Variants in RBPMS observed in about 807,000 individuals in gnomAD.
The protein encoded by RBPMS is RNA binding protein, mRNA processing factor.
Under a neutral mutation model 26.8 loss-of-function variants are expected in RBPMS, and 7 were observed. The observed-to-expected ratio is 0.26, with a 90% CI of 0.15 to 0.49. The LOEUF is 0.49. Among genes scored for constraint, RBPMS ranks in the 20% least tolerant of loss-of-function variants. The pLI is 0.98. For synonymous variants in RBPMS, 96 were observed against 93.3 expected, an observed-to-expected ratio of 1.03 and a Z score of -0.17; for missense variants, 186 against 250.0, an observed-to-expected ratio of 0.74 and a Z score of 1.73.
rs183210555 is a variant in RBPMS at position 30,504,369 on chromosome 8, C to T, written c.330C>T (p.Leu110=). ...KANTKMAKNK[L]VGTPNPSTPL... Reference sequence around the variant, plus strand: ...ACACGAAGATGGCCAAGAACAAACTCGTAGGGACTCCAAACCCCAGTACTC... The same window carrying T: ...ACACGAAGATGGCCAAGAACAAACTTGTAGGGACTCCAAACCCCAGTACTC... The change falls in exon 5 of 9, where the codon CTC becomes CTT. Residue 110 remains leucine, a synonymous_variant. Transcript: ENST00000397323. The T allele has an allele frequency of 1.9e-5, 30 of 1,614,180 alleles. No individual in the cohort carries two copies. The East Asian group carries it at 4.0e-4, about 22-fold the overall frequency.
intron 8 of RBPMS, among the ~76,000 whole-genome samples, chr8:30,568,979 C>G (rs1489301828): frequency 1.3e-5 from 2 of 149,858 alleles, no homozygotes; most frequent in East Asian, 3.9e-4. Context: ...TTCCTTCTCC[C>G]TTCAGATTAG....
Position 30,474,756 on chromosome 8 carries a change from ACTTC to A in RBPMS, c.67-20_67-17del. 6.7e-7 allele frequency: 1 copy of A among 1,488,854 alleles called. No homozygotes were observed. The highest frequency in any genetic ancestry group is 9.4e-7 in the Non-Finnish European group (1 of 1,067,002). 92.2% of individuals were successfully genotyped at this position (1,488,854 alleles called of 1,614,324 possible). Reference sequence around the variant, plus strand: ...CTCTGGAGTGTCCACACCCTTGATCACTTCCTAAATTTATTTTTCCAGGTCCGGA... The same window carrying A: ...CTCTGGAGTGTCCACACCCTTGATCACTAAATTTATTTTTCCAGGTCCGGA... On this transcript the variant is annotated intron_variant, in intron 1 of 8. Transcript: ENST00000397323.
intron 1 of RBPMS, among the ~76,000 whole-genome samples, chr8:30,465,702 G>A (rs887231960): frequency 6.6e-6 from 1 of 152,318 alleles, no homozygotes; most frequent in Non-Finnish European, 1.5e-5. Context: ...TAGGAGAATC[G>A]CTTGAACCTG....
chr8:30,528,099 C>G (rs1389192883), intron 5 of RBPMS, among the ~76,000 whole-genome samples: 1 of 151,584 alleles, frequency 6.6e-6, no homozygotes, highest in Admixed American at 6.6e-5. Flanking sequence ...CGCTTGAACC[C>G]GGGAGGCAGA....
At position 30,565,349 on chromosome 8, in the gene RBPMS, G is replaced by A. The variant is rs192108188; in HGVS notation, c.*8-908G>A. 37 of 152,420 alleles carry A rather than the reference G, an allele frequency of 2.4e-4. 3 individuals carry two copies. Among genetic ancestry groups the A allele is most frequent in the Admixed American group, 2.2e-3 (34 of 15,308 alleles). The allele number at this position is 152,420 out of a possible 1,614,324, so 9.4% of individuals were successfully genotyped here. On this transcript the variant is annotated intron_variant, in intron 7 of 8. Transcript: ENST00000397323. ...CCACTCGGAGGTGCCAGCTGAGCCA[G>A]TGCCACCTTTCTGGGGAACCCGGAC...
intron 1 of RBPMS, among the ~76,000 whole-genome samples, chr8:30,465,524 C>T (rs1205142790): frequency 6.6e-6 from 1 of 152,236 alleles, no homozygotes; most frequent in Non-Finnish European, 1.5e-5. Flanking sequence ...CAGTGGCTCA[C>T]GCCTGTAATC....
At chr8:30,410,710 CTTTT>C (rs1278912108) in intron 1 of RBPMS, among the ~76,000 whole-genome samples, 9 of 137,334 alleles carry the variant, frequency 6.6e-5, no homozygotes, top group African/African-American at 2.7e-4. Flanking sequence ...TTGAAATTTT[CTTTT>C]TTCCTTTTTT....
chr8:30,481,340 CTCA>C (rs1261583524), intron 4 of RBPMS, among the ~76,000 whole-genome samples: 2 of 152,118 alleles, frequency 1.3e-5, no homozygotes, highest in African/African-American at 4.8e-5. Context: ...ACTGTGTTTC[CTCA>C]TCATACTGAG....
chr8:30,385,162 C>T lies in RBPMS; in HGVS notation c.66+4C>T, dbSNP rs1347623355. The T allele has an allele frequency of 2.7e-6, 4 of 1,497,760 alleles. No individual in the cohort carries two copies. Among genetic ancestry groups the T allele is most frequent in the Admixed American group, 2.2e-5 (1 of 44,514 alleles). The allele number at this position is 1,497,760 out of a possible 1,614,324, so 92.8% of individuals were successfully genotyped here. The stretch of plus-strand genomic sequence containing the variant: ...GGCCAACCTTCAGGAGGAGGAGGTA[C>T]TGGGCGGCTCGGTGTGGTGGCGGGG... On this transcript the variant is annotated splice_donor_region_variant and intron_variant, in intron 1 of 8. Transcript: ENST00000397323.
chr8:30,537,852 T>A (rs2151028161), intron 5 of RBPMS: 1 of 300,056 alleles, frequency 3.3e-6, no homozygotes, highest in East Asian at 7.9e-5. Flanking sequence ...TCTTTATTGT[T>A]ACTAGGACTT....
At chr8:30,533,647 T>G (rs983657570) in intron 5 of RBPMS, among the ~76,000 whole-genome samples, 1 of 152,156 alleles carries the variant, frequency 6.6e-6, no homozygotes, top group East Asian at 1.9e-4. Flanking sequence ...AGCAGCCTTC[T>G]TCATATCCAT....
chr8:30,567,270 C>T (rs541767630), intron 8 of RBPMS, among the ~76,000 whole-genome samples: 32 of 152,294 alleles, frequency 2.1e-4, no homozygotes, highest in Admixed American at 3.9e-4. Flanking sequence ...CTTCATACTC[C>T]GACGATACCT....
At chr8:30,503,305 C>T (rs1055957391) in intron 4 of RBPMS, among the ~76,000 whole-genome samples, 1 of 152,110 alleles carries the variant, frequency 6.6e-6, no homozygotes, top group East Asian at 1.9e-4. Flanking sequence ...GGCTGGAGTG[C>T]AATGGCGCGA....
At position 30,514,673 on chromosome 8, in the gene RBPMS, T is replaced by G. The variant is rs1010768682; in HGVS notation, c.397+10237T>G. Among the ~76,000 whole-genome samples the G allele has an allele frequency of 5.0e-4, 57 of 113,378 alleles. No homozygotes were observed. In the East Asian group the frequency reaches 5.8e-3, roughly 12 times the overall value. The allele number at this position is 113,378 out of a possible 152,430, so 74.4% of individuals were successfully genotyped here. A position where few individuals can be genotyped will look rare whatever the true frequency, so the allele number is the denominator to read the frequency against. ...CTGGGACTACGGGTGCGAGCCACCA[T>G]GCCGGGCTTTTTTTTTTTTTTTTTT... On this transcript the variant is annotated intron_variant, in intron 5 of 8. Coordinates refer to ENST00000397323, the MANE Select transcript of RBPMS (RefSeq NM_001008710.3).
At chr8:30,528,152 G>A (rs909199806) in intron 5 of RBPMS, among the ~76,000 whole-genome samples, 1 of 151,576 alleles carries the variant, frequency 6.6e-6, no homozygotes, top group Non-Finnish European at 1.5e-5. Context: ...TCCAGCCTGG[G>A]CAACAAGAGC....
intron 4 of RBPMS, among the ~76,000 whole-genome samples, chr8:30,503,183 C>T (rs2150930011): frequency 6.6e-6 from 1 of 152,272 alleles, no homozygotes; most frequent in Middle Eastern, 3.4e-3. Context: ...TCCTTGTATA[C>T]TTGAAGCTGA....
intron 4 of RBPMS, among the ~76,000 whole-genome samples, chr8:30,494,556 C>T (rs1335051086): frequency 2.0e-5 from 3 of 152,216 alleles, no homozygotes; most frequent in Non-Finnish European, 2.9e-5. Flanking sequence ...AAGGTCAATA[C>T]TGGAGTAGTA....
intron 7 of RBPMS, among the ~76,000 whole-genome samples, chr8:30,560,119 G>C (rs536676650): frequency 6.6e-6 from 1 of 152,310 alleles, no homozygotes; most frequent in South Asian, 2.1e-4. Context: ...CAGTGAAGAA[G>C]AAAGAGAGCA....
intron 5 of RBPMS, among the ~76,000 whole-genome samples, chr8:30,512,344 A>G (rs1376440330): frequency 6.6e-6 from 1 of 152,134 alleles, no homozygotes; most frequent in Non-Finnish European, 1.5e-5. Context: ...AGCATATGGC[A>G]GGTTTTTTGG....
Sources: gnomAD v4.1 joint callset for allele counts (sites outside exome capture counted in the v4.1 genomes callset) on GRCh38, gnomAD v4.1.1 for gene constraint, MANE v1.5 for transcripts, NCBI Gene and HGNC (gene_info 2026-07-23, HGNC 2026-07-21) for gene names.